The following TULP4 variants were observed in gnomAD, a reference collection of about 807,000 sequenced individuals.
The protein encoded by TULP4 is TUB like protein 4.
Under a neutral mutation model 129.0 loss-of-function variants are expected in TULP4, and 16 were observed. That is an observed-to-expected ratio of 0.12 (90% CI 0.08 to 0.19). TULP4 has a LOEUF of 0.19. Ranked by LOEUF, TULP4 falls within the 10% of genes least tolerant of loss-of-function variation. The pLI is 1.00. For synonymous variants in TULP4, 998 were observed against 854.0 expected (o/e 1.17, Z -2.94); for missense variants, 1,842 against 2,059.1 (o/e 0.89, Z 2.04).
intron 1 of TULP4, among the ~76,000 whole-genome samples, chr6:158,382,432 T>C (rs1289397361): frequency 6.6e-6 from 1 of 152,186 alleles, no homozygotes; most frequent in East Asian, 1.9e-4. Context: ...ACATTATAGA[T>C]ATCTTCCTCC....
chr6:158,379,098 C>G (rs1777267322), intron 1 of TULP4, among the ~76,000 whole-genome samples: 1 of 152,148 alleles, frequency 6.6e-6, no homozygotes, highest in Non-Finnish European at 1.5e-5. Context: ...AGAGTCCAGG[C>G]TGGCGGCATA....
intron 1 of TULP4, among the ~76,000 whole-genome samples, chr6:158,339,076 G>A (rs4708787): frequency 0.86 from 131,006 of 152,170 alleles, 56,827 homozygotes; most frequent in South Asian, 0.93. Flanking sequence ...CCTGCCCCCA[G>A]TAATTCAACG....
At chr6:158,246,283 C>T (rs1027552525) in intron 1 of TULP4, among the ~76,000 whole-genome samples, 1 of 151,856 alleles carries the variant, frequency 6.6e-6, no homozygotes, top group Non-Finnish European at 1.5e-5. Context: ...GGGTGGATTA[C>T]GAGGTCAGGA....
At chr6:158,348,092 C>T (rs555168834) in intron 1 of TULP4, among the ~76,000 whole-genome samples, 5 of 148,842 alleles carry the variant, frequency 3.4e-5, no homozygotes, top group Non-Finnish European at 7.4e-5. Flanking sequence ...ACTTAAACAA[C>T]GTAAACCTTA....
chr6:158,257,401 A>T (rs1186750621), intron 1 of TULP4, among the ~76,000 whole-genome samples: 4 of 152,194 alleles, frequency 2.6e-5, no homozygotes, highest in Non-Finnish European at 4.4e-5. Flanking sequence ...GTGTCTTTTT[A>T]AAAAAGTGTG....
chr6:158,329,935 A>T (rs1467057005), intron 1 of TULP4, among the ~76,000 whole-genome samples: 2 of 152,154 alleles, frequency 1.3e-5, no homozygotes, highest in Non-Finnish European at 2.9e-5. Flanking sequence ...TCTCTTTTTT[A>T]AAAAAAGCAT....
At chr6:158,425,027 G>A (rs1020493928) in intron 2 of TULP4, among the ~76,000 whole-genome samples, 8 of 151,486 alleles carry the variant, frequency 5.3e-5, no homozygotes, top group African/African-American at 9.7e-5. Context: ...GGTGGTGGGC[G>A]CCTGTATTCG....
rs149174836 is a variant in TULP4 at position 158,330,169 on chromosome 6, C to T, written c.252+15901C>T. 1.5e-3 allele frequency among the ~76,000 whole-genome samples: 232 copies of T among 152,152 alleles called. 1 individual carries two copies. The highest frequency in any genetic ancestry group is 5.6e-3 in the South Asian group (27 of 4,818). The stretch of plus-strand genomic sequence containing the variant: ...TTTATACTAAGTCTTTGAAATCTGG[C>T]ACATCTCAATTTGGATTAGCCACAC... On this transcript the variant is annotated intron_variant, in intron 1 of 13. Transcript: ENST00000367097.
intron 5 of TULP4, among the ~76,000 whole-genome samples, chr6:158,452,725 A>G (rs1779191123): frequency 6.6e-6 from 1 of 152,234 alleles, no homozygotes; most frequent in South Asian, 2.1e-4. Flanking sequence ...AGTTACCTTG[A>G]AAGACTTGTG....
At chr6:158,416,586 A>C (rs2115019274) in intron 2 of TULP4, among the ~76,000 whole-genome samples, 1 of 152,348 alleles carries the variant, frequency 6.6e-6, no homozygotes, top group Middle Eastern at 3.4e-3. Context: ...TTCTTGAAAA[A>C]CTGAAAAGTT....
At chr6:158,464,779 C>T (rs1779518572) in intron 6 of TULP4, among the ~76,000 whole-genome samples, 1 of 152,140 alleles carries the variant, frequency 6.6e-6, no homozygotes, top group Non-Finnish European at 1.5e-5. Context: ...CCTTTCAGAC[C>T]TTAAAAGGTA....
upstream of TULP4, among the ~76,000 whole-genome samples, chr6:158,277,761 C>G (rs943159992): frequency 2.0e-5 from 3 of 152,148 alleles, no homozygotes; most frequent in African/African-American, 7.2e-5. Flanking sequence ...GATCTTAATT[C>G]GGGGACTTCT....
Position 158,511,498 on chromosome 6 carries a change from T to C in TULP4, c.*4804T>C, listed in dbSNP as rs1780739552. 1 of 152,556 alleles carries C rather than the reference T, an allele frequency of 6.6e-6. No individual in the cohort carries two copies. Among genetic ancestry groups the C allele is most frequent in the Non-Finnish European group, 1.5e-5 (1 of 68,038 alleles). The allele number at this position is 152,556 out of a possible 1,614,324, so 9.5% of individuals were successfully genotyped here. A position where few individuals can be genotyped will look rare whatever the true frequency, so the allele number is the denominator to read the frequency against. On this transcript the variant is annotated 3_prime_UTR_variant, in exon 14 of 14. Coordinates refer to ENST00000367097, the MANE Select transcript of TULP4 (RefSeq NM_020245.5). ...GACCTCGGCAGTGGCGTGCACTGCT[T>C]GTGCACCTCAGTTCCTCCAGTGTTG...
intron 1 of TULP4, among the ~76,000 whole-genome samples, chr6:158,366,207 G>A (rs1780960269): frequency 6.6e-6 from 1 of 152,140 alleles, no homozygotes; most frequent in Non-Finnish European, 1.5e-5. Context: ...CTGGCCGTCA[G>A]TCTTTCTTGA....
chr6:158,511,721 TTC>T lies in TULP4; in HGVS notation c.*5029_*5030del, dbSNP rs1354403333. ...AACGATGTGGTTTGTCCAAGTTATTTTCTGTCTTTATTACTGAGACGGATTAA... is the reference window on the plus strand; with the variant it reads ...AACGATGTGGTTTGTCCAAGTTATTTTGTCTTTATTACTGAGACGGATTAA... On this transcript the variant is annotated 3_prime_UTR_variant, in exon 14 of 14. Transcript: ENST00000367097. 6.6e-6 allele frequency: 1 copy of T among 152,300 alleles called. No individual in the cohort carries two copies. Among genetic ancestry groups the T allele is most frequent in the Non-Finnish European group, 1.5e-5 (1 of 68,046 alleles). The allele number at this position is 152,300 out of a possible 1,614,324, so 9.4% of individuals were successfully genotyped here. A position where few individuals can be genotyped will look rare whatever the true frequency, so the allele number is the denominator to read the frequency against.
chr6:158,312,489 G>A lies in TULP4; in HGVS notation c.-1528G>A, dbSNP rs1779379298. On this transcript the variant is annotated 5_prime_UTR_variant, in exon 1 of 14. Transcript: ENST00000367097. ...CAAACATTGCAGCGGCTCACACAGT[G>A]TTTGTTGCACTTTATTTTTCAGTGG... 2 of 179,798 alleles carry A rather than the reference G, an allele frequency of 1.1e-5. No individual in the cohort carries two copies. The highest frequency in any genetic ancestry group is 4.7e-5 in the African/African-American group (2 of 42,622). The allele number at this position is 179,798 out of a possible 1,614,324, so 11.1% of individuals were successfully genotyped here. A position where few individuals can be genotyped will look rare whatever the true frequency, so the allele number is the denominator to read the frequency against.
chr6:158,309,919 G>GGAGGGA (rs1320850436), upstream of TULP4, among the ~76,000 whole-genome samples: 1 of 136,280 alleles, frequency 7.3e-6, no homozygotes, highest in Non-Finnish European at 1.6e-5. Context: ...AGGGAGAGGG[G>GGAGGGA]GAGGGGGAGG....
intron 1 of TULP4, among the ~76,000 whole-genome samples, chr6:158,365,790 A>T (rs1210696290): frequency 1.3e-5 from 2 of 148,602 alleles, no homozygotes; most frequent in African/African-American, 2.5e-5. Flanking sequence ...TAACACATTT[A>T]TATTAAAGTT....
intron 1 of TULP4, among the ~76,000 whole-genome samples, chr6:158,394,756 C>T (rs1395924783): frequency 8.0e-6 from 1 of 125,472 alleles, no homozygotes; most frequent in African/African-American, 3.2e-5. Flanking sequence ...TACTGCACTC[C>T]AGCCTGGGCA....
Sources: gnomAD v4.1 joint callset for allele counts (sites outside exome capture counted in the v4.1 genomes callset) on GRCh38, gnomAD v4.1.1 for gene constraint, MANE v1.5 for transcripts, NCBI Gene and HGNC (gene_info 2026-07-23, HGNC 2026-07-21) for gene names.